CTNNA3: variants seen among roughly 807,000 people sequenced by gnomAD.
The protein encoded by CTNNA3 is catenin alpha-3.
CTNNA3 carries 76 observed loss-of-function variants against 95.7 expected under a neutral mutation model. That is an observed-to-expected ratio of 0.79 (90% CI 0.66 to 0.96). The LOEUF (loss-of-function observed/expected upper bound fraction) is 0.96, where lower values mean the gene tolerates loss of function less well. Ranked by LOEUF, CTNNA3 falls within the 40% of genes least tolerant of loss-of-function variation. The pLI is 0.00. For missense variants in CTNNA3, 1,191 were observed against 1,089.8 expected (o/e 1.09, Z -1.31); for synonymous variants, 431 against 374.4 (o/e 1.15, Z -1.74).
At chr10:66,943,024 G>A (rs1848092264) in intron 7 of CTNNA3, among the ~76,000 whole-genome samples, 1 of 152,140 alleles carries the variant, frequency 6.6e-6, no homozygotes, top group South Asian at 2.1e-4. Context: ...CAGGGCAAGG[G>A]ATATCAGAAA....
At chr10:66,332,411 A>ATACATTCCATCAATACC (rs547582871) in intron 12 of CTNNA3, among the ~76,000 whole-genome samples, 1 of 146,902 alleles carries the variant, frequency 6.8e-6, no homozygotes, top group African/African-American at 2.5e-5. Flanking sequence ...TTATTTTGAG[A>ATACATTCCATCAATACC]TAATTTATTG....
chr10:67,506,611 C>T (rs1451701135), intron 5 of CTNNA3, among the ~76,000 whole-genome samples: 5 of 152,148 alleles, frequency 3.3e-5, no homozygotes, highest in African/African-American at 1.2e-4. Context: ...GCATCCTCAA[C>T]ATTTCCTTTG....
At position 66,508,210 on chromosome 10, in the gene CTNNA3, G is replaced by GTTTT. The variant is rs756807793; in HGVS notation, c.1531+12403_1531+12406dup. Among the ~76,000 whole-genome samples the GTTTT allele has an allele frequency of 8.8e-4, 95 of 108,414 alleles. 5 individuals are homozygous for GTTTT. The highest frequency in any genetic ancestry group is 3.3e-3 in the African/African-American group (93 of 28,306). 71.1% of individuals were successfully genotyped at this position (108,414 alleles called of 152,430 possible). A position where few individuals can be genotyped will look rare whatever the true frequency, so the allele number is the denominator to read the frequency against. On this transcript the variant is annotated intron_variant, in intron 11 of 17. Transcript: ENST00000433211. ...TTTTTTTTGTTTTGTTTTGTTTTCT[G>GTTTT]TTTTTTTTTTTTTTAACAATTTCGT... is the stretch of plus-strand genomic sequence containing the variant.
At chr10:66,319,402 A>G (rs1251333485) in intron 12 of CTNNA3, among the ~76,000 whole-genome samples, 2 of 152,114 alleles carry the variant, frequency 1.3e-5, no homozygotes, top group Non-Finnish European at 2.9e-5. Context: ...CTTTTCAGCT[A>G]GGGATAACCA....
At chr10:67,493,568 A>G (rs1033923537) in intron 5 of CTNNA3, among the ~76,000 whole-genome samples, 15 of 152,110 alleles carry the variant, frequency 9.9e-5, no homozygotes, top group Non-Finnish European at 1.5e-4. Context: ...TCTCAAAAAA[A>G]AAAAAAAAAG....
intron 5 of CTNNA3, among the ~76,000 whole-genome samples, chr10:67,474,421 A>T (rs937514254): frequency 1.3e-4 from 20 of 152,338 alleles, no homozygotes; most frequent in African/African-American, 4.8e-4. Flanking sequence ...GTGAGGATAC[A>T]GCTAAAAGGT....
intron 5 of CTNNA3, among the ~76,000 whole-genome samples, chr10:67,407,410 A>G (rs1845177709): frequency 6.6e-6 from 1 of 152,168 alleles, no homozygotes. Context: ...GTTTTGAAGG[A>G]ACATACCTCT....
chr10:66,730,959 GTGAT>G (rs1464455257), intron 9 of CTNNA3, among the ~76,000 whole-genome samples: 1 of 152,166 alleles, frequency 6.6e-6, no homozygotes, highest in Admixed American at 6.5e-5. Flanking sequence ...AAAGTACAAA[GTGAT>G]TGTTTTAAGG....
At chr10:67,401,444 C>T (rs1371719045) in intron 5 of CTNNA3, among the ~76,000 whole-genome samples, 1 of 151,940 alleles carries the variant, frequency 6.6e-6, no homozygotes, top group Non-Finnish European at 1.5e-5. Flanking sequence ...AGATGCAGTC[C>T]CAGAGACTGA....
At chr10:66,004,029 CCTTAA>C (rs890954899) in intron 15 of CTNNA3, among the ~76,000 whole-genome samples, 48 of 152,306 alleles carry the variant, frequency 3.2e-4, no homozygotes, top group African/African-American at 1.1e-3. Context: ...GCTCAACACT[CCTTAA>C]CTTTTCTCCA....
At chr10:66,117,953 G>C (rs2082409021) in intron 13 of CTNNA3, among the ~76,000 whole-genome samples, 1 of 152,138 alleles carries the variant, frequency 6.6e-6, no homozygotes, top group South Asian at 2.1e-4. Context: ...CAGCCCAAGA[G>C]AGAGACCACA....
At chr10:67,159,870 G>C (rs768001843) in intron 7 of CTNNA3, among the ~76,000 whole-genome samples, 24 of 151,782 alleles carry the variant, frequency 1.6e-4, no homozygotes, top group Non-Finnish European at 3.2e-4. Flanking sequence ...TAGAAAAGAA[G>C]GATTATATTA....
chr10:67,024,113 T>C (rs180744855), intron 7 of CTNNA3, among the ~76,000 whole-genome samples: 191 of 152,318 alleles, frequency 1.3e-3, no homozygotes, highest in Middle Eastern at 0.01. Flanking sequence ...AGCAGGACTG[T>C]GTTCCCTCCA....
intron 5 of CTNNA3, among the ~76,000 whole-genome samples, chr10:67,434,575 A>G (rs1564646940): frequency 6.6e-6 from 1 of 151,898 alleles, no homozygotes; most frequent in Non-Finnish European, 1.5e-5. Flanking sequence ...ATATCCATAT[A>G]TGTGTGTGTC....
intron 7 of CTNNA3, among the ~76,000 whole-genome samples, chr10:67,027,714 C>T (rs980168353): frequency 6.6e-6 from 1 of 152,128 alleles, no homozygotes; most frequent in African/African-American, 2.4e-5. Context: ...CAGGCATGAG[C>T]CACCGTGCCC....
intron 11 of CTNNA3, among the ~76,000 whole-genome samples, chr10:66,397,127 A>C (rs775160082): frequency 6.6e-6 from 1 of 151,600 alleles, no homozygotes; most frequent in Non-Finnish European, 1.5e-5. Context: ...CAAACTCCTA[A>C]TTGTAGTTTT....
At chr10:66,442,846 A>G (rs1373358133) in intron 11 of CTNNA3, among the ~76,000 whole-genome samples, 4 of 152,206 alleles carry the variant, frequency 2.6e-5, no homozygotes, top group Non-Finnish European at 5.9e-5. Context: ...CACGAGCCAA[A>G]GCAGGGTGAG....
intron 15 of CTNNA3, among the ~76,000 whole-genome samples, chr10:66,022,406 C>T (rs2079237463): frequency 2.0e-5 from 3 of 152,136 alleles, no homozygotes; most frequent in African/African-American, 7.2e-5. Context: ...TGATGAAAGG[C>T]AATTCCATTC....
intron 11 of CTNNA3, among the ~76,000 whole-genome samples, chr10:66,462,387 C>T (rs2093535371): frequency 6.6e-6 from 1 of 152,022 alleles, no homozygotes; most frequent in African/African-American, 2.4e-5. Context: ...ATATGGATTT[C>T]AATAACCTTT....
Sources: gnomAD v4.1 joint callset for allele counts (sites outside exome capture counted in the v4.1 genomes callset) on GRCh38, gnomAD v4.1.1 for gene constraint, MANE v1.5 for transcripts, NCBI Gene and HGNC (gene_info 2026-07-23, HGNC 2026-07-21) for gene names.